MEP1B: variants seen among roughly 807,000 people sequenced by gnomAD.
The protein encoded by MEP1B is meprin A subunit beta.
In MEP1B, 80 loss-of-function variants were observed where a neutral mutation model predicts 84.6. The ratio of observed to expected loss-of-function variants is 0.95; its 90% CI spans 0.79 to 1.14. The LOEUF (loss-of-function observed/expected upper bound fraction) is 1.14. Ranked by LOEUF, MEP1B falls within the 50% of genes most tolerant of loss-of-function variation. MEP1B has a pLI of 0.00. For synonymous variants in MEP1B, 273 were observed against 288.1 expected (o/e 0.95, Z 0.53); for missense variants, 766 against 855.1 (o/e 0.90, Z 1.30).
rs202231789 is a variant in MEP1B at position 32,207,286 on chromosome 18, T to C, written c.582T>C (p.Asp194=). The change falls in exon 8 of 15, where the codon GAT becomes GAC. Residue 194 remains aspartate, a synonymous_variant. Coordinates refer to ENST00000269202, the MANE Select transcript of MEP1B (RefSeq NM_005925.3). Reference sequence around the variant, plus strand: ...ACAATTTTAACACCTATAGTGACGATATATCAGATTCCCTGAATGTTCCCT... The same window carrying C: ...ACAATTTTAACACCTATAGTGACGACATATCAGATTCCCTGAATGTTCCCT... ...REHNFNTYSD[D]ISDSLNVPYD... is the part of the protein sequence containing the mutation. 1,001 of 1,612,976 alleles carry C rather than the reference T, an allele frequency of 6.2e-4. 9 individuals are homozygous for C. The South Asian group carries it at 8.4e-3, about 14-fold the overall frequency.
At chr18:32,219,266 C>T (rs940840117) in intron 14 of MEP1B, among the ~76,000 whole-genome samples, 7 of 152,158 alleles carry the variant, frequency 4.6e-5, no homozygotes, top group African/African-American at 7.2e-5. Flanking sequence ...GAAAGCAAAT[C>T]GTTGTATTAT....
In MEP1B at chr18:32,190,118, C is replaced by T. The variant is rs537955301; in HGVS notation, c.48C>T (p.Leu16=). Reference sequence around the variant, plus strand: ...GGTTTCTGTTCTTGGATGCTCTTCTCGTGATTTCTGGCTTGGTAAGGAAAC... The same window carrying T: ...GGTTTCTGTTCTTGGATGCTCTTCTTGTGATTTCTGGCTTGGTAAGGAAAC... ...LSWFLFLDAL[L]VISGLATPEN... Residue 16 remains leucine, a synonymous_variant, in exon 1 of 15, where the codon CTC becomes CTT. Coordinates refer to ENST00000269202, the MANE Select transcript of MEP1B (RefSeq NM_005925.3). 22 of 1,613,102 alleles carry T rather than the reference C, an allele frequency of 1.4e-5. No homozygotes were observed. In the East Asian group the frequency reaches 2.5e-4, roughly 18 times the overall value.
In MEP1B at chr18:32,213,160, G is replaced by C; in HGVS notation, c.1180G>C (p.Val394Leu). Residue 394 changes from valine to leucine, a missense_variant, in exon 11 of 15, where the codon GTG becomes CTG. Val to Leu is a conservative substitution (Grantham distance 32). Coordinates refer to ENST00000269202, the MANE Select transcript of MEP1B (RefSeq NM_005925.3). ...SWQLYHVTLKVTKKFRVVFEG... is the reference protein window; with the variant it reads ...SWQLYHVTLKLTKKFRVVFEG... ...GCAACTTTATCATGTAACATTGAAA[G>C]TGACCAAGAAGTTTAGAGTGGTGTT... The C allele has an allele frequency of 6.2e-7, 1 of 1,613,960 alleles. No individual in the cohort carries two copies. Among genetic ancestry groups the C allele is most frequent in the Non-Finnish European group, 8.5e-7 (1 of 1,179,858 alleles).
At chr18:32,190,203 G>A in intron 1 of MEP1B, 70 bp downstream of exon 1, 2 of 1,088,452 alleles carry the variant, frequency 1.8e-6, no homozygotes, top group Non-Finnish European at 2.7e-6. Context: ...TAAAGAACAA[G>A]TGTTTTTTTT....
chr18:32,191,817 C>A lies in MEP1B; in HGVS notation c.64-5C>A. 6.5e-7 allele frequency: 1 copy of A among 1,533,480 alleles called. No homozygotes were observed. Among genetic ancestry groups the A allele is most frequent in the South Asian group, 1.2e-5 (1 of 84,026 alleles). 95.0% of individuals were successfully genotyped at this position (1,533,480 alleles called of 1,614,324 possible). On this transcript the variant is annotated splice_polypyrimidine_tract_variant and splice_region_variant and intron_variant, in intron 1 of 14. Coordinates refer to ENST00000269202, the MANE Select transcript of MEP1B (RefSeq NM_005925.3). The stretch of plus-strand genomic sequence containing the variant: ...ATATGTTTTGTTTATGTGTTTATTT[C>A]CCAGGCAACTCCAGAAAACTTTGGT...
At chr18:32,205,237 G>A (rs753488315) in intron 7 of MEP1B, among the ~76,000 whole-genome samples, 5 of 152,178 alleles carry the variant, frequency 3.3e-5, no homozygotes, top group Admixed American at 1.3e-4. Context: ...ACAATTTTCA[G>A]TAATAGTTGA....
At chr18:32,190,179 T>C (rs1306574278) in intron 1 of MEP1B, 46 bp downstream of exon 1, 1 of 1,341,680 alleles carries the variant, frequency 7.5e-7, no homozygotes, top group Admixed American at 2.0e-5. Context: ...TTTGGGGCAG[T>C]TGATATTGAT....
chr18:32,201,580 T>C (rs544338747), intron 5 of MEP1B, among the ~76,000 whole-genome samples: 1 of 152,194 alleles, frequency 6.6e-6, no homozygotes, highest in African/African-American at 2.4e-5. Context: ...AAATAGTTGG[T>C]AAAATGCTAT....
At chr18:32,193,743 C>G (rs2040825131) in intron 4 of MEP1B, among the ~76,000 whole-genome samples, 1 of 152,098 alleles carries the variant, frequency 6.6e-6, no homozygotes, top group Admixed American at 6.6e-5. Context: ...ATCGTAAGCA[C>G]CAACATCCCT....
intron 5 of MEP1B, chr18:32,195,994 T>A (rs1325613697): frequency 8.8e-6 from 3 of 342,124 alleles, no homozygotes; most frequent in Non-Finnish European, 1.7e-5. Context: ...GTGAGGCCAC[T>A]GACTGACTGT....
Position 32,196,734 on chromosome 18 carries a change from C to A in MEP1B, c.250+1249C>A. On this transcript the variant is annotated intron_variant, in intron 5 of 14. Transcript: ENST00000269202. This position sits in a 1 kb window ranked among gnomAD's most constrained non-coding sequence, Gnocchi z 4.4. The stretch of plus-strand genomic sequence containing the variant: ...GCTGAGGGCCAGGGACAGCTGCCTG[C>A]TGGTGAAGCAGTGCAGGGCCAGGTG... 1.6e-6 allele frequency: 1 copy of A among 638,452 alleles called. No individual in the cohort carries two copies. Among genetic ancestry groups the A allele is most frequent in the Non-Finnish European group, 2.9e-6 (1 of 350,610 alleles). The allele number at this position is 638,452 out of a possible 1,614,324, so 39.5% of individuals were successfully genotyped here. A position where few individuals can be genotyped will look rare whatever the true frequency, so the allele number is the denominator to read the frequency against.
At chr18:32,191,972 T>C (rs1454721694) in intron 2 of MEP1B, 132 bp downstream of exon 2, 3 of 594,754 alleles carry the variant, frequency 5.0e-6, no homozygotes, top group East Asian at 6.0e-5. Context: ...CTGGATTCTT[T>C]TGATTTATGG....
chr18:32,194,724 C>T (rs865781223), intron 4 of MEP1B, among the ~76,000 whole-genome samples: 3 of 152,274 alleles, frequency 2.0e-5, no homozygotes, highest in Middle Eastern at 3.4e-3. Flanking sequence ...CCTTCATAGA[C>T]GACTGTCCTG....
At chr18:32,195,938 C>T (rs1332086463) in intron 5 of MEP1B, 6 of 268,382 alleles carry the variant, frequency 2.2e-5, no homozygotes, top group Non-Finnish European at 3.6e-5. Flanking sequence ...CTTCCTCTTC[C>T]CATGGCAGGT....
At chr18:32,190,473 T>C (rs1462864301) in intron 1 of MEP1B, among the ~76,000 whole-genome samples, 2 of 152,162 alleles carry the variant, frequency 1.3e-5, no homozygotes, top group East Asian at 3.8e-4. Context: ...GAGACATGAA[T>C]GAGTGTCACA....
At chr18:32,191,881 T>C (rs2040805213) in intron 2 of MEP1B, 41 bp downstream of exon 2, 2 of 1,332,106 alleles carry the variant, frequency 1.5e-6, no homozygotes, top group Non-Finnish European at 2.1e-6. Flanking sequence ...ATAGAGAACC[T>C]AGGACATATT....
At chr18:32,213,038 A>C (rs1041940711) in intron 10 of MEP1B, 78 bp from the exon 11 acceptor site, 14 of 1,371,110 alleles carry the variant, frequency 1.0e-5, no homozygotes, top group Admixed American at 9.5e-5. Context: ...CCTTTGTCTA[A>C]GAAGGCTAGA....
In MEP1B at chr18:32,213,382, GCC is replaced by G. The variant is rs757127196; in HGVS notation, c.1404_1405del (p.His469CysfsTer3). The G allele has an allele frequency of 5.6e-6, 9 of 1,613,768 alleles. No homozygotes were observed. The highest frequency in any genetic ancestry group is 7.6e-6 in the Non-Finnish European group (9 of 1,179,754). ...GYAFQIYLNL[A>X]HVTNAGIYFH... ...TGCCTTTCAGATTTACTTAAATCTA[GCC>G]CATGTGACTAATGCAGGGATATATT... On this transcript the variant is annotated frameshift_variant, in exon 11 of 15. Transcript: ENST00000269202. LOFTEE classifies it high-confidence loss of function.
chr18:32,196,834 T>G lies in MEP1B; in HGVS notation c.250+1349T>G, dbSNP rs943119793. 2 of 589,878 alleles carry G rather than the reference T, an allele frequency of 3.4e-6. No homozygotes were observed. Among genetic ancestry groups the G allele is most frequent in the African/African-American group, 3.7e-5 (2 of 53,738 alleles). 36.5% of individuals were successfully genotyped at this position (589,878 alleles called of 1,614,324 possible). On this transcript the variant is annotated intron_variant, in intron 5 of 14. Transcript: ENST00000269202. This position sits in a 1 kb window ranked among gnomAD's most constrained non-coding sequence, Gnocchi z 4.4. ...CTCATCAGCACTGCCTTCTGCTGGC[T>G]TCTCAGGGCCTCTGCGTACTTGCCC...
Sources: gnomAD v4.1 joint callset for allele counts (sites outside exome capture counted in the v4.1 genomes callset) on GRCh38, gnomAD v4.1.1 for gene constraint, Gnocchi (gnomAD v3.1) non-coding constraint, MANE v1.5 for transcripts, NCBI Gene and HGNC (gene_info 2026-07-23, HGNC 2026-07-21) for gene names.